DNM3: variants seen among roughly 807,000 people sequenced by gnomAD.
DNM3 encodes the protein dynamin-3.
Under a neutral mutation model 101.6 loss-of-function variants are expected in DNM3, and 47 were observed. The observed-to-expected ratio is 0.46, with a 90% CI of 0.37 to 0.59. The LOEUF is 0.59. Ranked by LOEUF, DNM3 falls within the 20% of genes least tolerant of loss-of-function variation. DNM3 has a pLI of 0.00. For synonymous variants in DNM3, 385 were observed against 387.9 expected, an observed-to-expected ratio of 0.99 and a Z score of 0.09; for missense variants, 849 against 1,085.7, an observed-to-expected ratio of 0.78 and a Z score of 3.06.
intron 14 of DNM3, among the ~76,000 whole-genome samples, chr1:172,227,304 A>ATATATATATATATATATATATATG (rs1215756972): frequency 3.0e-5 from 4 of 131,538 alleles, no homozygotes; most frequent in African/African-American, 1.2e-4. Flanking sequence ...ATATATATAT[A>ATATATATATATATATATATATATG]TCACATTTTC....
At chr1:172,210,314 C>CTTTTTTTTTTTTTT (rs11330467) in intron 14 of DNM3, among the ~76,000 whole-genome samples, 2 of 84,862 alleles carry the variant, frequency 2.4e-5, no homozygotes, top group Non-Finnish European at 4.8e-5. Context: ...AGAGAGCGTG[C>CTTTTTTTTTTTTTT]TTTTTTTTTT....
At chr1:171,922,434 G>A (rs1404473196) in intron 2 of DNM3, among the ~76,000 whole-genome samples, 1 of 151,012 alleles carries the variant, frequency 6.6e-6, no homozygotes, top group African/African-American at 2.4e-5. Context: ...TTCTTTTTGG[G>A]GATTTTACTA....
intron 20 of DNM3, among the ~76,000 whole-genome samples, chr1:172,398,438 C>A (rs2070198057): frequency 6.6e-6 from 1 of 152,122 alleles, no homozygotes. Flanking sequence ...TGGGTGAGAA[C>A]AGAGTTGCTT....
chr1:172,373,334 G>A (rs1350521353), intron 17 of DNM3, among the ~76,000 whole-genome samples: 1 of 152,078 alleles, frequency 6.6e-6, no homozygotes, highest in African/African-American at 2.4e-5. Context: ...TTTACTAGCA[G>A]TTGCAATCTG....
chr1:172,204,732 G>A (rs145346569), intron 14 of DNM3, among the ~76,000 whole-genome samples: 6 of 151,846 alleles, frequency 4.0e-5, no homozygotes, highest in African/African-American at 1.2e-4. Flanking sequence ...TCTCAAATAC[G>A]GTCCCTCCTC....
intron 15 of DNM3, among the ~76,000 whole-genome samples, chr1:172,271,072 G>A (rs1256363801): frequency 1.3e-5 from 2 of 152,084 alleles, no homozygotes; most frequent in East Asian, 3.8e-4. Flanking sequence ...ACTGTACTAA[G>A]GAGGACTCCT....
chr1:172,169,742 G>A lies in DNM3; in HGVS notation c.1659+38454G>A, dbSNP rs80300022. Among the ~76,000 whole-genome samples, 1,349 of 151,958 alleles carry A rather than the reference G, an allele frequency of 8.9e-3. 17 individuals are homozygous for A. Among genetic ancestry groups the A allele is most frequent in the African/African-American group, 0.029 (1,208 of 41,506 alleles). ...AAGCATGTTTGTAGGCATGAACATA[G>A]GTTAATATTATTCCATTTACTGGCT... is the stretch of plus-strand genomic sequence containing the variant. On this transcript the variant is annotated intron_variant, in intron 14 of 20. Transcript: ENST00000627582.
chr1:172,093,760 T>C (rs776118573), intron 13 of DNM3: 28 of 1,590,806 alleles, frequency 1.8e-5, no homozygotes, highest in Non-Finnish European at 2.1e-5. Context: ...TACTGTTGCT[T>C]TTTCATTTAG....
chr1:172,219,610 G>T (rs1204762225), intron 14 of DNM3, among the ~76,000 whole-genome samples: 1 of 152,006 alleles, frequency 6.6e-6, no homozygotes, highest in Non-Finnish European at 1.5e-5. Flanking sequence ...TCAGTCAAGG[G>T]AGCCTTCACA....
chr1:172,024,498 T>C (rs1416263088), intron 4 of DNM3, among the ~76,000 whole-genome samples: 1 of 152,210 alleles, frequency 6.6e-6, no homozygotes, highest in Non-Finnish European at 1.5e-5. Flanking sequence ...TAAAGAGTAA[T>C]AATAGTCTCA....
At chr1:172,174,594 G>A (rs2059087273) in intron 14 of DNM3, among the ~76,000 whole-genome samples, 1 of 151,624 alleles carries the variant, frequency 6.6e-6, no homozygotes. Flanking sequence ...AGTTGGTGTT[G>A]TGCTTGATGT....
intron 14 of DNM3, among the ~76,000 whole-genome samples, chr1:172,157,880 G>A (rs1174554026): frequency 6.6e-6 from 1 of 151,990 alleles, no homozygotes; most frequent in Non-Finnish European, 1.5e-5. Flanking sequence ...GACACCAAGA[G>A]ACAACTGTAG....
intron 17 of DNM3, among the ~76,000 whole-genome samples, chr1:172,376,946 T>TG (rs1358501522): frequency 6.6e-6 from 1 of 152,072 alleles, no homozygotes; most frequent in African/African-American, 2.4e-5. Flanking sequence ...CATGGTTACA[T>TG]GTTAAGAAAG....
intron 16 of DNM3, among the ~76,000 whole-genome samples, chr1:172,321,711 A>C (rs182394087): frequency 5.9e-5 from 9 of 152,278 alleles, no homozygotes; most frequent in African/African-American, 1.9e-4. Flanking sequence ...ATGTGCAAAA[A>C]TACTTGGTTG....
At position 171,989,100 on chromosome 1, in the gene DNM3, C is replaced by A; in HGVS notation, c.541C>A (p.Leu181Ile). 2 of 1,613,194 alleles carry A rather than the reference C, an allele frequency of 1.2e-6. No homozygotes were observed. The highest frequency in any genetic ancestry group is 1.7e-6 in the Non-Finnish European group (2 of 1,179,462). ...ILAVTPANTD[L>I]ANSDALKLAK... ...AGCTGTTACTCCAGCCAACACTGAT[C>A]TTGCAAACTCAGATGCGCTGAAGCT... The change falls in exon 4 of 21, where the codon CTT becomes ATT. Residue 181 changes from leucine (L) to isoleucine (I), a missense_variant. By Grantham distance (5) the Leu-to-Ile change is conservative. This residue lies in a region of DNM3 where 388 missense variants were observed against 483.0 expected (regional missense o/e 0.80). Transcript: ENST00000627582.
At chr1:172,198,646 T>A (rs1371315453) in intron 14 of DNM3, among the ~76,000 whole-genome samples, 1 of 152,036 alleles carries the variant, frequency 6.6e-6, no homozygotes, top group Non-Finnish European at 1.5e-5. Context: ...TATTAGAGGA[T>A]GTATGTGTCC....
At chr1:172,234,934 G>GC (rs1477610515) in intron 14 of DNM3, among the ~76,000 whole-genome samples, 1 of 152,184 alleles carries the variant, frequency 6.6e-6, no homozygotes, top group Non-Finnish European at 1.5e-5. Flanking sequence ...CAGGACACAG[G>GC]CATGGGCAAG....
chr1:172,146,261 A>G (rs2057892717), intron 14 of DNM3, among the ~76,000 whole-genome samples: 1 of 152,152 alleles, frequency 6.6e-6, no homozygotes, highest in South Asian at 2.1e-4. Context: ...GTCCTAAAGC[A>G]TTTGCTTTTC....
At chr1:172,010,025 C>T (rs1204408977) in intron 4 of DNM3, among the ~76,000 whole-genome samples, 1 of 151,826 alleles carries the variant, frequency 6.6e-6, no homozygotes, top group East Asian at 1.9e-4. Flanking sequence ...ATGAAACTTT[C>T]AATCTCTGCC....
Sources: allele counts gnomAD v4.1 joint callset (sites outside exome capture counted in the v4.1 genomes callset), GRCh38; gene constraint gnomAD v4.1.1; regional missense constraint gnomAD v4.1.1; transcripts MANE v1.5; gene names NCBI Gene and HGNC (gene_info 2026-07-23, HGNC 2026-07-21).